The following MEF2C variants were observed in gnomAD, a reference collection of about 807,000 sequenced individuals.
MEF2C encodes the protein myocyte enhancer factor 2C.
Under a neutral mutation model 50.5 loss-of-function variants are expected in MEF2C, and 6 were observed. The observed-to-expected ratio is 0.12, with a 90% CI of 0.07 to 0.23. The LOEUF (loss-of-function observed/expected upper bound fraction) is 0.23. MEF2C is among the 10% of genes least tolerant of loss of function. The pLI, the probability that MEF2C is intolerant of heterozygous loss-of-function variation, is 1.00. For synonymous variants in MEF2C, 183 were observed against 228.0 expected, an observed-to-expected ratio of 0.80 and a Z score of 1.78; for missense variants, 276 against 605.0, an observed-to-expected ratio of 0.46 and a Z score of 5.70.
intron 2 of MEF2C, among the ~76,000 whole-genome samples, chr5:88,820,144 GTAAGA>G (rs780759542): frequency 7.2e-5 from 11 of 151,740 alleles, no homozygotes; most frequent in Non-Finnish European, 1.5e-4. Flanking sequence ...GAAAATTTCT[GTAAGA>G]TAAATTAACA....
intron 2 of MEF2C, among the ~76,000 whole-genome samples, chr5:88,810,020 T>C (rs1802103530): frequency 6.6e-6 from 1 of 152,138 alleles, no homozygotes; most frequent in Non-Finnish European, 1.5e-5. Flanking sequence ...CAGATTTGAA[T>C]TCCCCAAAGA....
At chr5:88,756,206 G>A (rs183045933) in intron 4 of MEF2C, among the ~76,000 whole-genome samples, 1 of 151,930 alleles carries the variant, frequency 6.6e-6, no homozygotes, top group Non-Finnish European at 1.5e-5. Context: ...TTGTTACATG[G>A]ATATATTGCA....
rs573219293 is a variant in MEF2C, at chr5:88,736,796, A to G, written c.638-4895T>C. On this transcript the variant is annotated intron_variant, in intron 6 of 10. Transcript: ENST00000504921. ...TGTCTACAGTTGACACACTCTATCT[A>G]TGAAACCTAATTTCCAATGGTCACA... The G allele has an allele frequency of 1.1e-4, 109 of 985,398 alleles. 1 individual carries two copies. The African/African-American group carries it at 1.7e-3, about 15-fold the overall frequency. The allele number at this position is 985,398 out of a possible 1,614,324, so 61.0% of individuals were successfully genotyped here.
At chr5:88,728,832 T>C (rs1467639367) in intron 9 of MEF2C, among the ~76,000 whole-genome samples, 1 of 152,178 alleles carries the variant, frequency 6.6e-6, no homozygotes, top group African/African-American at 2.4e-5. Flanking sequence ...AAATAAGTAT[T>C]CCACGAATGC....
At chr5:88,746,783 G>C (rs950893992) in intron 6 of MEF2C, 79 of 753,100 alleles carry the variant, frequency 1.0e-4, no homozygotes, top group Non-Finnish European at 1.2e-4. Flanking sequence ...GGACATGACA[G>C]CTAAGCTTGA....
chr5:88,883,497 T>G (rs1561481918), upstream of MEF2C: 1 of 3,772 alleles, frequency 2.7e-4, no homozygotes, highest in Non-Finnish European at 4.9e-4. Flanking sequence ...TAAAAAAGAC[T>G]GGGGGTGGTG....
intron 2 of MEF2C, among the ~76,000 whole-genome samples, chr5:88,822,507 C>G (rs535542013): frequency 1.3e-5 from 2 of 151,982 alleles, no homozygotes; most frequent in East Asian, 3.9e-4. Flanking sequence ...GTTGTGTGTA[C>G]CTGAAAATAT....
chr5:88,793,175 T>C (rs1208697315), intron 3 of MEF2C, among the ~76,000 whole-genome samples: 1 of 152,282 alleles, frequency 6.6e-6, no homozygotes, highest in East Asian at 1.9e-4. Context: ...TTATGGGGGC[T>C]TCAAGGATGA....
chr5:88,723,555 A>C (rs1021103436), intron 10 of MEF2C, among the ~76,000 whole-genome samples: 1 of 152,242 alleles, frequency 6.6e-6, no homozygotes, highest in Non-Finnish European at 1.5e-5. Flanking sequence ...GAAATTGAAA[A>C]TTATCTGCAG....
intron 1 of MEF2C, among the ~76,000 whole-genome samples, chr5:88,853,121 C>T (rs920527227): frequency 1.9e-4 from 29 of 152,048 alleles, no homozygotes; most frequent in Non-Finnish European, 1.0e-4. Flanking sequence ...CTACTCAGGA[C>T]GCTGAGGTGC....
At chr5:88,824,870 A>G (rs2153223941) in intron 1 of MEF2C, 2 of 152,070 alleles carry the variant, frequency 1.3e-5, no homozygotes, top group Middle Eastern at 6.8e-3. Flanking sequence ...AGAATATTAA[A>G]AGTACATACT....
intron 1 of MEF2C, among the ~76,000 whole-genome samples, chr5:88,862,313 A>T (rs1167062170): frequency 6.6e-6 from 1 of 151,796 alleles, no homozygotes; most frequent in Non-Finnish European, 1.5e-5. Context: ...CATACACACA[A>T]ACACACACAC....
At chr5:88,743,365 A>G (rs1767767556) in intron 6 of MEF2C, 1 of 985,290 alleles carries the variant, frequency 1.0e-6, no homozygotes, top group Non-Finnish European at 1.2e-6. Flanking sequence ...TTTCTGGCCA[A>G]TAAGAAAGTC....
chr5:88,902,758 A>G (rs1347321389), intron 1 of MEF2C, among the ~76,000 whole-genome samples: 1 of 151,642 alleles, frequency 6.6e-6, no homozygotes. Flanking sequence ...TATTGGTAGG[A>G]GTCTTTTCTT....
intron 3 of MEF2C, among the ~76,000 whole-genome samples, chr5:88,778,005 C>T (rs543645544): frequency 1.4e-5 from 2 of 146,248 alleles, no homozygotes; most frequent in Non-Finnish European, 1.5e-5. Flanking sequence ...CCCAGGTTCA[C>T]GCCATTCTCC....
intron 6 of MEF2C, chr5:88,743,871 C>G: frequency 6.3e-6 from 6 of 957,218 alleles, no homozygotes; most frequent in Non-Finnish European, 6.2e-6. Flanking sequence ...ATGTTAGTTT[C>G]TTTTTTATAA....
chr5:88,719,683 A>G lies in MEF2C; in HGVS notation c.*2921T>C, dbSNP rs1280338002. ...AAATGGTAAATTACAGATAAGGTAT[A>G]AGGGTAAAGATAGACCAAGATTGTT... is the stretch of plus-strand genomic sequence containing the variant. On this transcript the variant is annotated 3_prime_UTR_variant, in exon 11 of 11. Coordinates refer to ENST00000504921, the MANE Select transcript of MEF2C (RefSeq NM_002397.5). 2 of 152,350 alleles carry G rather than the reference A, an allele frequency of 1.3e-5. No individual in the cohort carries two copies. Among genetic ancestry groups the G allele is most frequent in the East Asian group, 3.8e-4 (2 of 5,196 alleles). The allele number at this position is 152,350 out of a possible 1,614,324, so 9.4% of individuals were successfully genotyped here. A position where few individuals can be genotyped will look rare whatever the true frequency, so the allele number is the denominator to read the frequency against.
intron 1 of MEF2C, among the ~76,000 whole-genome samples, chr5:88,852,420 GTCTC>G (rs1046246200): frequency 1.6e-4 from 24 of 152,258 alleles, no homozygotes; most frequent in Middle Eastern, 6.8e-3. Flanking sequence ...CAGAGTAGTG[GTCTC>G]TCTATTTATT....
intron 4 of MEF2C, among the ~76,000 whole-genome samples, chr5:88,757,260 AT>A (rs1775781660): frequency 6.6e-6 from 1 of 152,288 alleles, no homozygotes; most frequent in South Asian, 2.1e-4. Context: ...CAATAAAAAA[AT>A]CAAATAAAAT....
Sources: allele counts gnomAD v4.1 joint callset (sites outside exome capture counted in the v4.1 genomes callset), GRCh38; gene constraint gnomAD v4.1.1; transcripts MANE v1.5; gene names NCBI Gene and HGNC (gene_info 2026-07-23, HGNC 2026-07-21).